The following MAML2 variants were observed in gnomAD, a reference collection of about 807,000 sequenced individuals.
The protein encoded by MAML2 is mastermind-like protein 2.
A neutral mutation model predicts 96.1 loss-of-function variants in MAML2; 22 were observed. The ratio of observed to expected loss-of-function variants is 0.23; its 90% confidence interval spans 0.16 to 0.33. The LOEUF is 0.33. Ranked by LOEUF, MAML2 falls within the 10% of genes least tolerant of loss-of-function variation. The pLI, the probability that MAML2 is intolerant of heterozygous loss-of-function variation, is 1.00. For missense variants in MAML2, 1,367 were observed against 1,392.4 expected (o/e 0.98, Z 0.29); for synonymous variants, 561 against 521.3 (o/e 1.08, Z -1.04).
At chr11:95,994,594 G>A (rs1034084437) in intron 2 of MAML2, among the ~76,000 whole-genome samples, 5 of 152,082 alleles carry the variant, frequency 3.3e-5, no homozygotes, top group South Asian at 2.1e-4. Flanking sequence ...GCAGGATCAG[G>A]GAAGCGTAAA....
At chr11:95,990,444 C>A (rs1248362514) in intron 3 of MAML2, among the ~76,000 whole-genome samples, 1 of 152,110 alleles carries the variant, frequency 6.6e-6, no homozygotes, top group African/African-American at 2.4e-5. Flanking sequence ...GTTGTTCTGG[C>A]TGAAATAACC....
intron 2 of MAML2, among the ~76,000 whole-genome samples, chr11:96,043,282 G>A (rs1858845834): frequency 6.6e-6 from 1 of 152,218 alleles, no homozygotes; most frequent in Non-Finnish European, 1.5e-5. Context: ...TCCTGTCCCA[G>A]AATCAGCACT....
chr11:96,086,591 GT>G (rs1232320545), intron 2 of MAML2, among the ~76,000 whole-genome samples: 4 of 152,078 alleles, frequency 2.6e-5, no homozygotes, highest in African/African-American at 9.7e-5. Flanking sequence ...CAATCTGATT[GT>G]TTAATTTTTT....
chr11:96,230,331 T>G (rs1862275287), intron 1 of MAML2, among the ~76,000 whole-genome samples: 1 of 152,248 alleles, frequency 6.6e-6, no homozygotes, highest in African/African-American at 2.4e-5. Flanking sequence ...AATATTTGTA[T>G]ATATCTATAT....
At chr11:96,036,200 G>A (rs1858708950) in intron 2 of MAML2, among the ~76,000 whole-genome samples, 1 of 152,004 alleles carries the variant, frequency 6.6e-6, no homozygotes, top group East Asian at 1.9e-4. Flanking sequence ...TCTAATGAGT[G>A]GCTTAACCCC....
chr11:96,339,478 C>CCTTT (rs1479561798), intron 1 of MAML2, among the ~76,000 whole-genome samples: 1 of 152,212 alleles, frequency 6.6e-6, no homozygotes, highest in Admixed American at 6.5e-5. Flanking sequence ...AAACATGCCA[C>CCTTT]CTTTCCTTCA....
At chr11:96,108,283 T>C (rs1021877936) in intron 1 of MAML2, among the ~76,000 whole-genome samples, 1 of 152,240 alleles carries the variant, frequency 6.6e-6, no homozygotes, top group Non-Finnish European at 1.5e-5. Context: ...AGAAGTATTC[T>C]GTGGTGAGCG....
chr11:96,071,534 G>C lies in MAML2; in HGVS notation c.2139+20358C>G, dbSNP rs140082543. Among the ~76,000 whole-genome samples, 25 of 152,322 alleles carry C rather than the reference G, an allele frequency of 1.6e-4. 1 individual carries two copies. In the East Asian group the frequency reaches 4.8e-3, roughly 29 times the overall value. ...ATTTAGGAGAGCTTGTCAAACTCTT[G>C]TTTTGGACTCCCAAATACCTGGGGT... On this transcript the variant is annotated intron_variant, in intron 2 of 4. Coordinates refer to ENST00000524717, the MANE Select transcript of MAML2 (RefSeq NM_032427.4).
At chr11:96,031,027 T>A (rs143607002) in intron 2 of MAML2, among the ~76,000 whole-genome samples, 37 of 152,260 alleles carry the variant, frequency 2.4e-4, no homozygotes, top group African/African-American at 8.9e-4. Flanking sequence ...AAGAGTTTGG[T>A]TAGGAGTCAC....
intron 1 of MAML2, among the ~76,000 whole-genome samples, chr11:96,270,080 C>CA (rs1222642384): frequency 7.0e-6 from 1 of 143,884 alleles, no homozygotes; most frequent in Non-Finnish European, 1.5e-5. Context: ...ACTTGACATC[C>CA]AAAACTGAGC....
chr11:96,210,448 A>G (rs1489862526), intron 1 of MAML2, among the ~76,000 whole-genome samples: 2 of 152,192 alleles, frequency 1.3e-5, no homozygotes, highest in African/African-American at 4.8e-5. Flanking sequence ...CAGTTTATAG[A>G]AATTTACCAA....
intron 2 of MAML2, among the ~76,000 whole-genome samples, chr11:96,040,790 C>A (rs1318017345): frequency 6.6e-6 from 1 of 152,030 alleles, no homozygotes; most frequent in Non-Finnish European, 1.5e-5. Flanking sequence ...ACAAAAGAAA[C>A]CTCCTGTGTA....
At chr11:96,256,973 G>A (rs1751263006) in intron 1 of MAML2, among the ~76,000 whole-genome samples, 1 of 152,170 alleles carries the variant, frequency 6.6e-6, no homozygotes, top group Admixed American at 6.5e-5. Flanking sequence ...CTAGAAAAAT[G>A]CTACAAGAAA....
intron 1 of MAML2, among the ~76,000 whole-genome samples, chr11:96,278,636 G>A (rs1017458326): frequency 6.6e-6 from 1 of 152,190 alleles, no homozygotes; most frequent in African/African-American, 2.4e-5. Flanking sequence ...AGTAGTGAAA[G>A]ATGAATAGGA....
At position 96,231,204 on chromosome 11, in the gene MAML2, T is replaced by C. The variant is rs1000892963; in HGVS notation, c.513+110179A>G. ...TCCCACAGGTAAAATTATTTCCTCT[T>C]TCGTGTATCACCATCTGTAGCCCTC... is the stretch of plus-strand genomic sequence containing the variant. On this transcript the variant is annotated intron_variant, in intron 1 of 4. Transcript: ENST00000524717. 2.0e-5 allele frequency among the ~76,000 whole-genome samples: 3 copies of C among 152,208 alleles called. No homozygotes were observed. In the East Asian group the frequency reaches 5.8e-4, roughly 29 times the overall value.
intron 1 of MAML2, among the ~76,000 whole-genome samples, chr11:96,122,527 TGTGCAC>T (rs1403206154): frequency 2.0e-5 from 3 of 148,900 alleles, no homozygotes; most frequent in East Asian, 2.0e-4. Context: ...TGTGTGTGTG[TGTGCAC>T]GTGCACGTGC....
intron 1 of MAML2, among the ~76,000 whole-genome samples, chr11:96,251,593 A>C (rs941113924): frequency 6.6e-5 from 10 of 152,328 alleles, no homozygotes; most frequent in Admixed American, 4.6e-4. Flanking sequence ...GTATGTTTTA[A>C]CCTTCTATGG....
chr11:96,092,210 T>TTGCTGCTGCTGCTGC lies in MAML2; in HGVS notation c.1806_1820dup (p.Gln617_Gln621dup), dbSNP rs60727839. 9 of 1,462,954 alleles carry TTGCTGCTGCTGCTGC rather than the reference T, an allele frequency of 6.2e-6. No individual in the cohort carries two copies. Among genetic ancestry groups the TTGCTGCTGCTGCTGC allele is most frequent in the African/African-American group, 4.2e-5 (3 of 70,868 alleles). 90.6% of individuals were successfully genotyped at this position (1,462,954 alleles called of 1,614,324 possible). On this transcript the variant is annotated inframe_insertion, in exon 2 of 5. Transcript: ENST00000524717. This position sits in a 1 kb window ranked among gnomAD's most constrained non-coding sequence, Gnocchi z 4.1. Reference sequence around the variant, plus strand: ...GTTGCTGTTGCTGCTGCTGCTGCTGTTGCTGCTGCTGCTGCTGCTGCTGCT... The same window carrying TTGCTGCTGCTGCTGC: ...GTTGCTGTTGCTGCTGCTGCTGCTGTTGCTGCTGCTGCTGCTGCTGCTGCTGCTGCTGCTGCTGCT...
At chr11:96,087,522 A>G (rs1029498277) in intron 2 of MAML2, among the ~76,000 whole-genome samples, 14 of 152,228 alleles carry the variant, frequency 9.2e-5, no homozygotes, top group Admixed American at 3.9e-4. Flanking sequence ...TCAAATGGTG[A>G]AGAGTCACTT....
Sources: gnomAD v4.1 joint callset for allele counts (sites outside exome capture counted in the v4.1 genomes callset) on GRCh38, gnomAD v4.1.1 for gene constraint, Gnocchi (gnomAD v3.1) non-coding constraint, MANE v1.5 for transcripts, NCBI Gene and HGNC (gene_info 2026-07-23, HGNC 2026-07-21) for gene names.